The following PPARG variants were observed in gnomAD, a reference collection of about 807,000 sequenced individuals.
The protein encoded by PPARG is peroxisome proliferator-activated receptor gamma.
A neutral mutation model predicts 39.2 loss-of-function variants in PPARG; 17 were observed. That is an observed-to-expected ratio of 0.43 (90% CI 0.30 to 0.65). The LOEUF is 0.65. Ranked by LOEUF, PPARG falls within the 30% of genes least tolerant of loss-of-function variation. The pLI, the probability that PPARG is intolerant of heterozygous loss-of-function variation, is 0.13. For missense variants in PPARG, 406 were observed against 585.9 expected, an observed-to-expected ratio of 0.69 and a Z score of 3.17; for synonymous variants, 223 against 215.7, an observed-to-expected ratio of 1.03 and a Z score of -0.30.
chr3:12,371,555 G>A (rs1160779917), intron 2 of PPARG, among the ~76,000 whole-genome samples: 1 of 152,186 alleles, frequency 6.6e-6, no homozygotes, highest in Non-Finnish European at 1.5e-5. Flanking sequence ...CCTTACATGA[G>A]ACTTTTTCCC....
rs145584036 is a variant in PPARG at position 12,291,187 on chromosome 3, T to G, written c.-83+2053T>G. On this transcript the variant is annotated intron_variant, in intron 1 of 7. Transcript: ENST00000651735. ...TCACTAGTGTGTAAGCGTAAACATA[T>G]GCACCCCCCACAACTGAATTTCTAA... Among the ~76,000 whole-genome samples the G allele has an allele frequency of 4.0e-3, 606 of 152,282 alleles. 4 individuals carry two copies. The highest frequency in any genetic ancestry group is 0.024 in the Middle Eastern group (7 of 294).
intron 2 of PPARG, among the ~76,000 whole-genome samples, chr3:12,372,284 A>G (rs566597237): frequency 4.1e-4 from 63 of 152,234 alleles, no homozygotes; most frequent in Non-Finnish European, 6.0e-4. Flanking sequence ...AAGATCAGGA[A>G]GAAATAATGT....
chr3:12,418,107 C>A (rs2051140255), intron 7 of PPARG, among the ~76,000 whole-genome samples: 1 of 151,822 alleles, frequency 6.6e-6, no homozygotes, highest in African/African-American at 2.4e-5. Flanking sequence ...GACAGGACAA[C>A]AGCTGCACAC....
At chr3:12,312,708 A>C (rs903142755) in intron 2 of PPARG, among the ~76,000 whole-genome samples, 1 of 151,770 alleles carries the variant, frequency 6.6e-6, no homozygotes, top group African/African-American at 2.4e-5. Context: ...ATGAATCTCT[A>C]ATTAAAGTCT....
At chr3:12,366,264 A>G (rs1308572583) in intron 2 of PPARG, among the ~76,000 whole-genome samples, 2 of 152,084 alleles carry the variant, frequency 1.3e-5, no homozygotes, top group Non-Finnish European at 2.9e-5. Context: ...ATAGGAAAGC[A>G]TTATGACTTT....
intron 2 of PPARG, among the ~76,000 whole-genome samples, chr3:12,332,082 A>G (rs138166262): frequency 1.3e-5 from 2 of 152,306 alleles, no homozygotes; most frequent in African/African-American, 4.8e-5. Flanking sequence ...ATTTTTTCCA[A>G]TTCCTTTCCC....
At chr3:12,294,521 T>A (rs2046728392) in intron 1 of PPARG, among the ~76,000 whole-genome samples, 1 of 152,212 alleles carries the variant, frequency 6.6e-6, no homozygotes, top group Non-Finnish European at 1.5e-5. Context: ...TGAGAGGAAC[T>A]TTTCAATCAC....
chr3:12,377,705 T>C (rs2049468209), intron 2 of PPARG, among the ~76,000 whole-genome samples: 1 of 152,038 alleles, frequency 6.6e-6, no homozygotes, highest in South Asian at 2.1e-4. Flanking sequence ...TTCAAGAGAG[T>C]AAAATTGTCC....
At chr3:12,394,135 T>A (rs78023966) in intron 5 of PPARG, among the ~76,000 whole-genome samples, 2 of 152,226 alleles carry the variant, frequency 1.3e-5, no homozygotes, top group East Asian at 3.8e-4. Flanking sequence ...TTTTAGGTGA[T>A]GCAATCAAGT....
intron 2 of PPARG, among the ~76,000 whole-genome samples, chr3:12,354,316 T>C (rs2048584872): frequency 6.6e-6 from 1 of 152,182 alleles, no homozygotes. Flanking sequence ...TCCACATATA[T>C]TAACAGAATA....
At chr3:12,295,943 C>T (rs2046770338) in intron 1 of PPARG, among the ~76,000 whole-genome samples, 1 of 151,950 alleles carries the variant, frequency 6.6e-6, no homozygotes, top group East Asian at 1.9e-4. Context: ...TCTTAGTAGG[C>T]ACTTAAATGT....
intron 2 of PPARG, among the ~76,000 whole-genome samples, chr3:12,330,604 G>A (rs1401648240): frequency 1.3e-5 from 2 of 152,116 alleles, no homozygotes; most frequent in Non-Finnish European, 2.9e-5. Flanking sequence ...GCCTTCCATT[G>A]CCATATACAT....
At chr3:12,430,942 G>A (rs529406432) in intron 7 of PPARG, among the ~76,000 whole-genome samples, 19 of 152,136 alleles carry the variant, frequency 1.2e-4, no homozygotes, top group Non-Finnish European at 2.4e-4. Context: ...TTAACATGGA[G>A]CAAAATGAAA....
intron 2 of PPARG, among the ~76,000 whole-genome samples, chr3:12,375,366 A>ACC (rs1239487614): frequency 1.3e-5 from 2 of 152,206 alleles, no homozygotes; most frequent in Non-Finnish European, 2.9e-5. Flanking sequence ...ATCATGAGCA[A>ACC]CCAATTTCTC....
At chr3:12,429,601 A>G (rs938120804) in intron 7 of PPARG, among the ~76,000 whole-genome samples, 7 of 151,062 alleles carry the variant, frequency 4.6e-5, no homozygotes, top group African/African-American at 1.7e-4. Flanking sequence ...GAGGAGCTGC[A>G]GAAAGGCTCC....
intron 5 of PPARG, among the ~76,000 whole-genome samples, chr3:12,404,514 CTA>C (rs1163959673): frequency 6.6e-6 from 1 of 152,174 alleles, no homozygotes; most frequent in Non-Finnish European, 1.5e-5. Context: ...TATAAAATAA[CTA>C]TCTCTGGCTG....
intron 2 of PPARG, among the ~76,000 whole-genome samples, chr3:12,378,269 A>G (rs188963215): frequency 3.5e-4 from 53 of 152,338 alleles, no homozygotes; most frequent in African/African-American, 1.3e-3. Flanking sequence ...ACTTCTGGGT[A>G]TATATCCAAG....
intron 7 of PPARG, among the ~76,000 whole-genome samples, chr3:12,428,439 G>A (rs1448084554): frequency 2.6e-5 from 4 of 152,248 alleles, no homozygotes; most frequent in Non-Finnish European, 5.9e-5. Flanking sequence ...CAGCAGAGAG[G>A]ACCCTTGGCC....
chr3:12,335,685 G>A (rs1575011781), intron 2 of PPARG, among the ~76,000 whole-genome samples: 1 of 152,192 alleles, frequency 6.6e-6, no homozygotes, highest in African/African-American at 2.4e-5. Flanking sequence ...CAAAACAGCT[G>A]CCCTGTGTGA....
Sources: gnomAD v4.1 joint callset for allele counts (sites outside exome capture counted in the v4.1 genomes callset) on GRCh38, gnomAD v4.1.1 for gene constraint, MANE v1.5 for transcripts, NCBI Gene and HGNC (gene_info 2026-07-23, HGNC 2026-07-21) for gene names.